The following POR variants were observed in gnomAD, a reference collection of about 807,000 sequenced individuals.
The protein encoded by POR is cytochrome p450 oxidoreductase.
POR carries 56 observed loss-of-function variants against 84.0 expected under a neutral mutation model. The ratio of observed to expected loss-of-function variants is 0.67; its 90% CI spans 0.54 to 0.83. The LOEUF is 0.83. Ranked by LOEUF, POR falls within the 40% of genes least tolerant of loss-of-function variation. The probability of loss-of-function intolerance (pLI) is 0.00; values close to 1 mark genes in which losing one functional copy is unlikely to be tolerated. For missense variants in POR, 938 were observed against 944.3 expected (o/e 0.99, Z 0.09); for synonymous variants, 414 against 400.5 (o/e 1.03, Z -0.40).
rs10265262 is a variant in POR, at chr7:75,985,906, C to T, written c.1670-17C>T. The T allele has an allele frequency of 7.0e-4, 1,106 of 1,570,574 alleles. 4 individuals are homozygous for T. In the African/African-American group the frequency reaches 0.012, roughly 16 times the overall value. The stretch of plus-strand genomic sequence containing the variant: ...ACGACTGGGAGCCCCGCGCTCACCC[C>T]GGCCCCTGCCACGCAGGCAAGGAGG... On this transcript the variant is annotated splice_polypyrimidine_tract_variant and intron_variant, in intron 13 of 15. Coordinates refer to ENST00000461988, the MANE Select transcript of POR (RefSeq NM_000941.3).
At chr7:75,939,357 CG>C (rs1170261967) in intron 1 of POR, among the ~76,000 whole-genome samples, 46 of 152,298 alleles carry the variant, frequency 3.0e-4, no homozygotes, top group African/African-American at 1.1e-3. Context: ...AGCCCTCGTG[CG>C]GGTTCCAGGC....
chr7:75,933,509 C>A (rs1403824257), intron 1 of POR, among the ~76,000 whole-genome samples: 2 of 151,208 alleles, frequency 1.3e-5, no homozygotes, highest in African/African-American at 4.9e-5. Flanking sequence ...CTGCCTCAGC[C>A]TCTGGAGCAG....
rs542396394 is a variant in POR at position 75,954,317 on chromosome 7, T to C, written c.188+137T>C. 76 of 873,560 alleles carry C rather than the reference T, an allele frequency of 8.7e-5. No individual in the cohort carries two copies. In the African/African-American group the frequency reaches 1.3e-3, roughly 14 times the overall value. 54.1% of individuals were successfully genotyped at this position (873,560 alleles called of 1,614,324 possible). ...GGGGTGACTCTTGGGTTTTGCCTTCTTGCTAGATTGTGCTTGAGCTCTCCC... is the reference window on the plus strand; with the variant it reads ...GGGGTGACTCTTGGGTTTTGCCTTCCTGCTAGATTGTGCTTGAGCTCTCCC... On this transcript the variant is annotated intron_variant, in intron 2 of 15. Transcript: ENST00000461988.
At chr7:75,921,263 GTC>G (rs1554548797) in intron 1 of POR, 1 of 113,476 alleles carries the variant, frequency 8.8e-6, no homozygotes, top group African/African-American at 3.9e-5. Flanking sequence ...TAAGTTTTTA[GTC>G]TTTTTTTTTT....
intron 1 of POR, among the ~76,000 whole-genome samples, chr7:75,935,288 C>G (rs62475266): frequency 1.3e-5 from 2 of 151,966 alleles, no homozygotes; most frequent in Non-Finnish European, 2.9e-5. Flanking sequence ...TATGGGAGGC[C>G]GAGGTGGGAG....
At chr7:75,953,256 C>T (rs1467854862) in intron 1 of POR, among the ~76,000 whole-genome samples, 14 of 134,416 alleles carry the variant, frequency 1.0e-4, no homozygotes, top group African/African-American at 3.3e-4. Flanking sequence ...TGCAGTGAGC[C>T]GAGATGGCAG....
At chr7:75,915,906 G>C (rs1806543254) in intron 1 of POR, 1 of 152,240 alleles carries the variant, frequency 6.6e-6, no homozygotes. Context: ...TCTGCGTATT[G>C]TTTTTCAAAA....
chr7:75,954,635 G>C lies in POR; in HGVS notation c.188+455G>C, dbSNP rs566448631. Among the ~76,000 whole-genome samples, 61 of 152,082 alleles carry C rather than the reference G, an allele frequency of 4.0e-4. No homozygotes were observed. In the South Asian group the frequency reaches 4.8e-3, roughly 12 times the overall value. On this transcript the variant is annotated intron_variant, in intron 2 of 15. Transcript: ENST00000461988. ...GTTCACTGTAATCTCCACCTCCCAGGCTCAGGCAGTCTTCCCACCTCAGCC... is the reference window on the plus strand; with the variant it reads ...GTTCACTGTAATCTCCACCTCCCAGCCTCAGGCAGTCTTCCCACCTCAGCC...
Position 75,982,205 on chromosome 7 carries a change from C to T in POR, c.732-19C>T. The T allele has an allele frequency of 6.3e-7, 1 of 1,598,152 alleles. No individual in the cohort carries two copies. The stretch of plus-strand genomic sequence containing the variant: ...ACCCCTGCCGCTTCCCGGCCTCACC[C>T]TTGGTCTCCCCTTTCCAGCATTCGC... On this transcript the variant is annotated intron_variant, in intron 7 of 15. Coordinates refer to ENST00000461988, the MANE Select transcript of POR (RefSeq NM_000941.3).
intron 1 of POR, among the ~76,000 whole-genome samples, chr7:75,935,620 TGTGTG>T (rs1396811446): frequency 0.025 from 159 of 6,464 alleles, 1 homozygote; most frequent in African/African-American, 0.13. Context: ...GCTCGGGGCT[TGTGTG>T]TGTGTGTGTG....
intron 2 of POR, among the ~76,000 whole-genome samples, chr7:75,955,356 C>T (rs1336481491): frequency 6.6e-6 from 1 of 152,130 alleles, no homozygotes; most frequent in African/African-American, 2.4e-5. Context: ...AAAATGATAC[C>T]GAAGGTCTGC....
At chr7:75,949,734 G>A (rs1396647320) in intron 1 of POR, among the ~76,000 whole-genome samples, 2 of 151,800 alleles carry the variant, frequency 1.3e-5, no homozygotes, top group Non-Finnish European at 2.9e-5. Context: ...TGGCCAGGCT[G>A]GTCTCAAACG....
At chr7:75,942,458 A>AT (rs576976484) in intron 1 of POR, among the ~76,000 whole-genome samples, 21 of 148,222 alleles carry the variant, frequency 1.4e-4, no homozygotes, top group African/African-American at 2.5e-4. Flanking sequence ...GCATTTATAG[A>AT]TTTTTTTTTT....
chr7:75,980,751 A>C (rs1585128726), intron 5 of POR: 1 of 1,458,082 alleles, frequency 6.9e-7, no homozygotes, highest in Non-Finnish European at 9.1e-7. Flanking sequence ...GACGACTGAG[A>C]CCTGCCTGGC....
intron 2 of POR, chr7:75,968,099 G>A (rs11979171): frequency 1.1e-4 from 50 of 455,342 alleles, no homozygotes; most frequent in African/African-American, 6.6e-4. Context: ...GCACGTACTC[G>A]TCTCCACCTG....
At chr7:75,931,696 A>G (rs944401599) in intron 1 of POR, among the ~76,000 whole-genome samples, 1 of 151,398 alleles carries the variant, frequency 6.6e-6, no homozygotes, top group Admixed American at 6.6e-5. Context: ...CCGTGACTCT[A>G]TTTTCCCTTC....
At chr7:75,924,218 T>C (rs1378274580) in intron 1 of POR, among the ~76,000 whole-genome samples, 1 of 152,046 alleles carries the variant, frequency 6.6e-6, no homozygotes, top group Non-Finnish European at 1.5e-5. Flanking sequence ...CAAAAATAAA[T>C]GCTCACTTGT....
chr7:75,960,520 G>A (rs77685285), intron 2 of POR, among the ~76,000 whole-genome samples: 10,862 of 151,958 alleles, frequency 0.071, 649 homozygotes, highest in East Asian at 0.23. Context: ...CTGTTGCCCA[G>A]GCTGGGTCTT....
Position 75,979,432 on chromosome 7 carries a change from CTG to C in POR, c.238-15_238-14del. The C allele has an allele frequency of 1.2e-6, 2 of 1,611,020 alleles. No homozygotes were observed. The highest frequency in any genetic ancestry group is 1.7e-6 in the Non-Finnish European group (2 of 1,178,870). On this transcript the variant is annotated splice_polypyrimidine_tract_variant and intron_variant, in intron 3 of 15. Coordinates refer to ENST00000461988, the MANE Select transcript of POR (RefSeq NM_000941.3). ...CTGAGGTCTGTGGCCCTCACCAACC[CTG>C]TGTCTGCCTTCCTTAGGGGAGGAAC...
Sources: gnomAD v4.1 joint callset for allele counts (sites outside exome capture counted in the v4.1 genomes callset) on GRCh38, gnomAD v4.1.1 for gene constraint, MANE v1.5 for transcripts, NCBI Gene and HGNC (gene_info 2026-07-23, HGNC 2026-07-21) for gene names.